The following IGF1R variants were observed in gnomAD, a reference collection of about 807,000 sequenced individuals.
IGF1R encodes the protein insulin like growth factor 1 receptor, also known as insulin-like growth factor 1 receptor.
IGF1R carries 44 observed loss-of-function variants against 144.6 expected under a neutral mutation model. That is an observed-to-expected ratio of 0.30 (90% CI 0.24 to 0.39). The LOEUF (loss-of-function observed/expected upper bound fraction) is 0.39, where lower values mean the gene tolerates loss of function less well. Ranked by LOEUF, IGF1R falls within the 10% of genes least tolerant of loss-of-function variation. IGF1R has a pLI of 1.00. For synonymous variants in IGF1R, 795 were observed against 722.8 expected, an observed-to-expected ratio of 1.10 and a Z score of -1.60; for missense variants, 1,355 against 1,833.7, an observed-to-expected ratio of 0.74 and a Z score of 4.77.
At chr15:98,816,060 A>T (rs75302098) in intron 2 of IGF1R, among the ~76,000 whole-genome samples, 1 of 152,132 alleles carries the variant, frequency 6.6e-6, no homozygotes, top group East Asian at 1.9e-4. Context: ...CCATTTTGTG[A>T]TCTGCCCTTT....
At chr15:98,817,903 C>A (rs920562629) in intron 2 of IGF1R, among the ~76,000 whole-genome samples, 1 of 152,172 alleles carries the variant, frequency 6.6e-6, no homozygotes, top group Non-Finnish European at 1.5e-5. Context: ...TTCTCTCCAG[C>A]GTCATGGTTG....
At chr15:98,790,999 CAAAGT>C (rs1218904589) in intron 2 of IGF1R, among the ~76,000 whole-genome samples, 1 of 152,202 alleles carries the variant, frequency 6.6e-6, no homozygotes, top group East Asian at 1.9e-4. Context: ...TAGTTGTTCA[CAAAGT>C]AAAGCTGTTC....
At chr15:98,789,267 T>C (rs1005711971) in intron 2 of IGF1R, among the ~76,000 whole-genome samples, 1 of 152,264 alleles carries the variant, frequency 6.6e-6, no homozygotes, top group East Asian at 1.9e-4. Flanking sequence ...GGACACATTG[T>C]TCTAGGCTTC....
chr15:98,820,729 A>G (rs2056786137), intron 2 of IGF1R: 1 of 152,220 alleles, frequency 6.6e-6, no homozygotes, highest in Non-Finnish European at 1.5e-5. Context: ...ATATAAAACA[A>G]AAAGATTCAA....
intron 15 of IGF1R, among the ~76,000 whole-genome samples, chr15:98,930,857 A>G (rs1330094818): frequency 6.6e-6 from 1 of 152,128 alleles, no homozygotes; most frequent in African/African-American, 2.4e-5. Flanking sequence ...GTGGCTGGGA[A>G]GGTCTGACAT....
intron 2 of IGF1R, among the ~76,000 whole-genome samples, chr15:98,869,625 G>C (rs536460122): frequency 6.6e-6 from 1 of 151,918 alleles, no homozygotes; most frequent in Non-Finnish European, 1.5e-5. Flanking sequence ...AGTAGAGATG[G>C]GGTTTCTCCA....
chr15:98,927,308 A>C (rs551021105), intron 13 of IGF1R, among the ~76,000 whole-genome samples: 1 of 152,100 alleles, frequency 6.6e-6, no homozygotes, highest in Admixed American at 6.5e-5. Flanking sequence ...CTCAGAGGAG[A>C]TGGAAGGTTT....
intron 2 of IGF1R, among the ~76,000 whole-genome samples, chr15:98,723,843 T>C (rs2054299610): frequency 6.6e-6 from 1 of 152,212 alleles, no homozygotes; most frequent in Non-Finnish European, 1.5e-5. Flanking sequence ...TAAATGCATG[T>C]TCTTAACATT....
chr15:98,859,855 A>C (rs535021557), intron 2 of IGF1R, among the ~76,000 whole-genome samples: 1 of 152,312 alleles, frequency 6.6e-6, no homozygotes, highest in South Asian at 2.1e-4. Context: ...TGTACTGTAT[A>C]TTTTTGTGCA....
At chr15:98,688,464 A>G (rs2053392219) in intron 1 of IGF1R, among the ~76,000 whole-genome samples, 1 of 146,536 alleles carries the variant, frequency 6.8e-6, no homozygotes, top group South Asian at 2.2e-4. Context: ...TGGCACTGTT[A>G]TTTCATGTGT....
intron 19 of IGF1R, among the ~76,000 whole-genome samples, chr15:98,945,625 T>C (rs547493803): frequency 6.6e-6 from 1 of 152,316 alleles, no homozygotes; most frequent in South Asian, 2.1e-4. Flanking sequence ...TTCTCGGTGC[T>C]TCTGACTGGC....
chr15:98,655,466 T>C (rs2052463184), intron 1 of IGF1R, among the ~76,000 whole-genome samples: 1 of 152,190 alleles, frequency 6.6e-6, no homozygotes, highest in Non-Finnish European at 1.5e-5. Context: ...AACTGATATT[T>C]CCTTACTTGA....
At position 98,962,791 on chromosome 15, in the gene IGF1R, G is replaced by A. The variant is rs150629355; in HGVS notation, c.*5349G>A. 4.2e-4 allele frequency: 99 copies of A among 233,566 alleles called. No individual in the cohort carries two copies. The East Asian group carries it at 6.0e-3, about 14-fold the overall frequency. 14.5% of individuals were successfully genotyped at this position (233,566 alleles called of 1,614,324 possible). On this transcript the variant is annotated 3_prime_UTR_variant, in exon 21 of 21. Coordinates refer to ENST00000650285, the MANE Select transcript of IGF1R (RefSeq NM_000875.5). ...CTCAGCAGTCATCCGTGGGCATTTG[G>A]TTTCAACAAAGAAACCTAACATCCT... is the stretch of plus-strand genomic sequence containing the variant.
intron 2 of IGF1R, among the ~76,000 whole-genome samples, chr15:98,728,258 T>C (rs988442772): frequency 6.6e-6 from 1 of 152,130 alleles, no homozygotes; most frequent in Non-Finnish European, 1.5e-5. Flanking sequence ...TTGTTGCCGC[T>C]GGCCATCACA....
chr15:98,849,090 A>G (rs1294900478), intron 2 of IGF1R, among the ~76,000 whole-genome samples: 2 of 152,106 alleles, frequency 1.3e-5, no homozygotes, highest in African/African-American at 4.8e-5. Context: ...AAACAAAAAC[A>G]AACAAACAAA....
intron 15 of IGF1R, among the ~76,000 whole-genome samples, chr15:98,931,312 G>A (rs555557960): frequency 2.0e-5 from 3 of 152,248 alleles, no homozygotes; most frequent in Admixed American, 1.3e-4. Context: ...TTCTTGCCTC[G>A]GGAGAAGTGA....
chr15:98,875,125 C>G (rs992814045), intron 2 of IGF1R, among the ~76,000 whole-genome samples: 1 of 152,026 alleles, frequency 6.6e-6, no homozygotes, highest in Admixed American at 6.5e-5. Flanking sequence ...TCCTCGGCTC[C>G]GGGACGAGGA....
At chr15:98,845,355 C>T (rs925964367) in intron 2 of IGF1R, among the ~76,000 whole-genome samples, 1 of 151,178 alleles carries the variant, frequency 6.6e-6, no homozygotes, top group Non-Finnish European at 1.5e-5. Context: ...CCCAACTTCC[C>T]TTCTCATATT....
At position 98,957,628 on chromosome 15, in the gene IGF1R, A is replaced by G. The variant is rs757158399; in HGVS notation, c.*186A>G. 10 of 691,734 alleles carry G rather than the reference A, an allele frequency of 1.4e-5. No individual in the cohort carries two copies. The highest frequency in any genetic ancestry group is 2.4e-5 in the Non-Finnish European group (10 of 412,558). The allele number at this position is 691,734 out of a possible 1,614,324, so 42.8% of individuals were successfully genotyped here. On this transcript the variant is annotated 3_prime_UTR_variant, in exon 21 of 21. Transcript: ENST00000650285. ...ACACATTTGGGATGTTCCTTTTTTC[A>G]ATATGCAAGCAGCTTTTTATTCCCT... is the stretch of plus-strand genomic sequence containing the variant.
Sources: gnomAD v4.1 joint callset for allele counts (sites outside exome capture counted in the v4.1 genomes callset) on GRCh38, gnomAD v4.1.1 for gene constraint, MANE v1.5 for transcripts, NCBI Gene and HGNC (gene_info 2026-07-23, HGNC 2026-07-21) for gene names.